COX7B2: variants seen among roughly 807,000 people sequenced by gnomAD.
COX7B2 encodes cytochrome c oxidase subunit 7B2.
For missense variants in COX7B2, 109 were observed against 95.9 expected, an observed-to-expected ratio of 1.14 and a Z score of -0.57; for synonymous variants, 37 against 32.1, an observed-to-expected ratio of 1.15 and a Z score of -0.51.
In COX7B2 at chr4:46,883,387, T is replaced by TC. The variant is rs879792511; in HGVS notation, c.-105+25772_-105+25773insG. On this transcript the variant is annotated intron_variant, in intron 1 of 2. Coordinates refer to ENST00000355591, the MANE Select transcript of COX7B2 (RefSeq NM_130902.3). ...TTCAGAATTCCCTTTCTGTATTTTTTTTTAATTTTTGCACTAGTATTTTCT... is the reference window on the plus strand; with the variant it reads ...TTCAGAATTCCCTTTCTGTATTTTTTCTTTAATTTTTGCACTAGTATTTTCT... 5.6e-3 allele frequency among the ~76,000 whole-genome samples: 845 copies of TC among 152,124 alleles called. 7 individuals carry two copies. The highest frequency in any genetic ancestry group is 8.8e-3 in the Non-Finnish European group (597 of 67,992).
rs761904309 is a variant in COX7B2 at position 46,905,814 on chromosome 4, C to CTTT, written c.-105+3343_-105+3345dup. ...TACCATCTCTGATAAGCATATATTT[C>CTTT]TTTTTTTTTTTTTTTTTTTTTTTTT... On this transcript the variant is annotated intron_variant, in intron 1 of 2. Transcript: ENST00000355591. 3.1e-3 allele frequency among the ~76,000 whole-genome samples: 225 copies of CTTT among 71,686 alleles called. 36 individuals are homozygous for CTTT. Among genetic ancestry groups the CTTT allele is most frequent in the Middle Eastern group, 0.043 (2 of 46 alleles). 47.0% of individuals were successfully genotyped at this position (71,686 alleles called of 152,430 possible).
chr4:46,835,586 G>T (rs777926419), intron 2 of COX7B2, among the ~76,000 whole-genome samples: 79 of 152,084 alleles, frequency 5.2e-4, no homozygotes, highest in Non-Finnish European at 1.6e-4. Flanking sequence ...AAAAAACTGC[G>T]TAAGATATAG....
chr4:46,744,566 G>A (rs1159663066), intron 2 of COX7B2, among the ~76,000 whole-genome samples: 2 of 151,352 alleles, frequency 1.3e-5, no homozygotes, highest in African/African-American at 4.9e-5. Flanking sequence ...GATTCTACGT[G>A]GCCATTAAAG....
intron 2 of COX7B2, among the ~76,000 whole-genome samples, chr4:46,739,337 AC>A (rs1274352377): frequency 1.3e-5 from 2 of 151,784 alleles, no homozygotes; most frequent in African/African-American, 4.9e-5. Flanking sequence ...AACAAACCAA[AC>A]CAAACCAAAA....
At chr4:46,861,245 C>T (rs1717317060) in intron 1 of COX7B2, among the ~76,000 whole-genome samples, 1 of 152,102 alleles carries the variant, frequency 6.6e-6, no homozygotes, top group Non-Finnish European at 1.5e-5. Flanking sequence ...CTGGTGAATG[C>T]AGTTATCACT....
At chr4:46,818,821 C>T (rs1714046458) in intron 2 of COX7B2, among the ~76,000 whole-genome samples, 1 of 152,196 alleles carries the variant, frequency 6.6e-6, no homozygotes, top group African/African-American at 2.4e-5. Flanking sequence ...TTAGTCTTAA[C>T]TGTTCCACAA....
rs370918380 is a variant in COX7B2, at chr4:46,826,048, G to A, written c.-50+18912C>T. ...ACAAGTGGGATCTAATTAAACTTAA[G>A]AGCTTCTGCACAGCAAAAGAAAATA... On this transcript the variant is annotated intron_variant, in intron 2 of 2. Transcript: ENST00000355591. Among the ~76,000 whole-genome samples the A allele has an allele frequency of 1.2e-4, 18 of 152,256 alleles. No individual in the cohort carries two copies. The East Asian group carries it at 3.5e-3, about 29-fold the overall frequency.
chr4:46,773,697 G>A (rs992643162), intron 2 of COX7B2, among the ~76,000 whole-genome samples: 21 of 152,096 alleles, frequency 1.4e-4, no homozygotes, highest in African/African-American at 5.1e-4. Context: ...ATTTGAGCTG[G>A]GCTTCTGGAT....
At position 46,860,117 on chromosome 4, in the gene COX7B2, G is replaced by T. The variant is rs57410392; in HGVS notation, c.-104-15103C>A. Among the ~76,000 whole-genome samples, 1,249 of 152,288 alleles carry T rather than the reference G, an allele frequency of 8.2e-3. 15 individuals carry two copies. The highest frequency in any genetic ancestry group is 0.029 in the African/African-American group (1,188 of 41,542). The stretch of plus-strand genomic sequence containing the variant: ...CATGTGGCTCGAGAAGATGGCAAGA[G>T]TTGGTAAGATGGTGAGATGGCAAAT... On this transcript the variant is annotated intron_variant, in intron 1 of 2. Coordinates refer to ENST00000355591, the MANE Select transcript of COX7B2 (RefSeq NM_130902.3).
chr4:46,887,342 T>C (rs777860115), intron 1 of COX7B2, among the ~76,000 whole-genome samples: 7 of 152,170 alleles, frequency 4.6e-5, no homozygotes, highest in Admixed American at 2.0e-4. Flanking sequence ...ATGACCTTCA[T>C]CTGAATGCAT....
chr4:46,898,864 C>G (rs1291973249), intron 1 of COX7B2, among the ~76,000 whole-genome samples: 1 of 152,052 alleles, frequency 6.6e-6, no homozygotes, highest in African/African-American at 2.4e-5. Flanking sequence ...CTTTCTGCTC[C>G]CTGATCATAA....
chr4:46,823,769 T>G (rs1025189372), intron 2 of COX7B2, among the ~76,000 whole-genome samples: 1 of 150,878 alleles, frequency 6.6e-6, no homozygotes, highest in African/African-American at 2.4e-5. Flanking sequence ...GTGGAAATCA[T>G]GAAACTAAAG....
intron 2 of COX7B2, among the ~76,000 whole-genome samples, chr4:46,775,369 A>G (rs1009218214): frequency 5.3e-5 from 8 of 152,126 alleles, no homozygotes; most frequent in Admixed American, 4.6e-4. Context: ...CAAAATTGCA[A>G]AAAGTCACTG....
At chr4:46,749,709 G>A (rs1715234716) in intron 2 of COX7B2, among the ~76,000 whole-genome samples, 1 of 152,162 alleles carries the variant, frequency 6.6e-6, no homozygotes, top group African/African-American at 2.4e-5. Flanking sequence ...TCTAATGGAT[G>A]TTAGAAATAC....
chr4:46,818,818 T>C (rs748392832), intron 2 of COX7B2, among the ~76,000 whole-genome samples: 1 of 152,230 alleles, frequency 6.6e-6, no homozygotes, highest in Non-Finnish European at 1.5e-5. Context: ...ATATTAGTCT[T>C]AACTGTTCCA....
At chr4:46,883,162 T>A (rs1282188837) in intron 1 of COX7B2, among the ~76,000 whole-genome samples, 1 of 152,236 alleles carries the variant, frequency 6.6e-6, no homozygotes, top group African/African-American at 2.4e-5. Context: ...TGAGTATAAT[T>A]ATTTTGGCAT....
chr4:46,808,141 C>T (rs1392865565), intron 2 of COX7B2, among the ~76,000 whole-genome samples: 1 of 151,792 alleles, frequency 6.6e-6, no homozygotes, highest in African/African-American at 2.4e-5. Context: ...AATATTAACT[C>T]TTCTTATCCA....
Position 46,884,608 on chromosome 4 carries a change from C to T in COX7B2, c.-105+24552G>A, listed in dbSNP as rs149577172. Among the ~76,000 whole-genome samples, 92 of 152,170 alleles carry T rather than the reference C, an allele frequency of 6.0e-4. 1 individual carries two copies. The highest frequency in any genetic ancestry group is 2.2e-3 in the African/African-American group (90 of 41,552). On this transcript the variant is annotated intron_variant, in intron 1 of 2. Transcript: ENST00000355591. Reference sequence around the variant, plus strand: ...ATTAATGTTTTATGCTATCAAGTACCAGCAGATGAACCCAGCAAGCCAGGG... The same window carrying T: ...ATTAATGTTTTATGCTATCAAGTACTAGCAGATGAACCCAGCAAGCCAGGG...
intron 1 of COX7B2, among the ~76,000 whole-genome samples, chr4:46,865,719 A>G (rs896232702): frequency 1.2e-4 from 18 of 152,288 alleles, no homozygotes; most frequent in African/African-American, 4.3e-4. Flanking sequence ...TGTGGGTGGG[A>G]GAAAACTCTA....
Sources: gnomAD v4.1 joint callset for allele counts (sites outside exome capture counted in the v4.1 genomes callset) on GRCh38, gnomAD v4.1.1 for gene constraint, MANE v1.5 for transcripts, NCBI Gene and HGNC (gene_info 2026-07-23, HGNC 2026-07-21) for gene names.